Variants in CYP11B1 observed in about 807,000 individuals in gnomAD.
CYP11B1 encodes cytochrome P450 family 11 subfamily B member 1, also known as cytochrome P450 11B1, mitochondrial.
A neutral mutation model predicts 48.3 loss-of-function variants in CYP11B1; 34 were observed. The ratio of observed to expected loss-of-function variants is 0.70; its 90% CI spans 0.54 to 0.94. The LOEUF is 0.94. Ranked by LOEUF, CYP11B1 falls within the 40% of genes least tolerant of loss-of-function variation. CYP11B1 has a pLI of 0.00. For missense variants in CYP11B1, 688 were observed against 657.4 expected (o/e 1.05, Z -0.51); for synonymous variants, 291 against 262.5 (o/e 1.11, Z -1.05).
rs373046641 is a variant in CYP11B1, at chr8:142,879,041, A to T, written c.386T>A (p.Val129Glu). ...YRQHRGHKCG[V>E]FLLNGPEWRF... Reference sequence around the variant, plus strand: ...TCAGCTCGCCGCTTACAGCAAGAACACGCCACATTTGTGCCCACGATGTTG... The same window carrying T: ...TCAGCTCGCCGCTTACAGCAAGAACTCGCCACATTTGTGCCCACGATGTTG... The change falls in exon 2 of 9, where the codon GTG (valine) becomes GAG (glutamate). Residue 129 changes from valine to glutamate, a missense_variant. Val to Glu is a moderately radical substitution (Grantham distance 121). Coordinates refer to ENST00000292427, the MANE Select transcript of CYP11B1 (RefSeq NM_000497.4). The T allele has an allele frequency of 6.2e-7, 1 of 1,614,112 alleles. No homozygotes were observed. The highest frequency in any genetic ancestry group is 8.5e-7 in the Non-Finnish European group (1 of 1,180,030).
rs1237019258 is a variant in CYP11B1, at chr8:142,874,460, T to C, written c.1425A>G (p.Thr475=). 1 of 1,613,752 alleles carries C rather than the reference T, an allele frequency of 6.2e-7. No homozygotes were observed. The highest frequency in any genetic ancestry group is 8.5e-7 in the Non-Finnish European group (1 of 1,179,752). Reference sequence around the variant, plus strand: ...CCATCTTTATGTCCTCTTGGGTTAGTGTCTCCACCTGGAGGTGTTTCAGCA... The same window carrying C: ...CCATCTTTATGTCCTCTTGGGTTAGCGTCTCCACCTGGAGGTGTTTCAGCA... ...HHVLKHLQVE[T]LTQEDIKMVY... Residue 475 remains threonine, a synonymous_variant, in exon 9 of 9, where the codon ACA becomes ACG. Transcript: ENST00000292427.
In CYP11B1 at chr8:142,879,046, A is replaced by T; in HGVS notation, c.381T>A (p.Cys127Ter). The T allele has an allele frequency of 6.2e-7, 1 of 1,614,034 alleles. No individual in the cohort carries two copies. The highest frequency in any genetic ancestry group is 8.5e-7 in the Non-Finnish European group (1 of 1,180,008). ...TCGCCGCTTACAGCAAGAACACGCCACATTTGTGCCCACGATGTTGTCTGT... is the reference window on the plus strand; with the variant it reads ...TCGCCGCTTACAGCAAGAACACGCCTCATTTGTGCCCACGATGTTGTCTGT... ...VAYRQHRGHKCGVFLLNGPEW... is the reference protein window; with the variant it reads ...VAYRQHRGHK The change falls in exon 2 of 9, where the codon TGT becomes TGA. Residue 127 changes from cysteine (C) to a stop codon, truncating the protein, a stop_gained. Transcript: ENST00000292427. LOFTEE classifies it high-confidence loss of function.
chr8:142,878,951 T>G, intron 2 of CYP11B1, 81 bp downstream of exon 2: 1 of 1,570,028 alleles, frequency 6.4e-7, no homozygotes, highest in East Asian at 2.4e-5. Context: ...AGGGCAGATG[T>G]GCTTTTGGGT....
In CYP11B1 at chr8:142,876,253, C is replaced by T. The variant is rs1816944446; in HGVS notation, c.942G>A (p.Gly314=). ...TTGCCGGCCTGACCGTGTCCACGCTCCCTGCAGTGAGTTCCATAGAGTTGG... is the reference window on the plus strand; with the variant it reads ...TTGCCGGCCTGACCGTGTCCACGCTTCCTGCAGTGAGTTCCATAGAGTTGG... ...IKANSMELTA[G]SVDTTVFPLL... Residue 314 remains glycine, a synonymous_variant, in exon 5 of 9, where the codon GGG becomes GGA. Transcript: ENST00000292427. 4 of 1,614,118 alleles carry T rather than the reference C, an allele frequency of 2.5e-6. No homozygotes were observed. Among genetic ancestry groups the T allele is most frequent in the Admixed American group, 1.7e-5 (1 of 60,014 alleles).
In CYP11B1 at chr8:142,875,021, A is replaced by G. The variant is rs554178535; in HGVS notation, c.1334T>C (p.Phe445Ser). 6.2e-7 allele frequency: 1 copy of G among 1,614,246 alleles called. No homozygotes were observed. Among genetic ancestry groups the G allele is most frequent in the African/African-American group, 1.3e-5 (1 of 75,070 alleles). ...CCGCCCAAGGCACTGGCGCATGCCA[A>G]AGCCAAAGGGCACGTGGTAGAAGTT... is the stretch of plus-strand genomic sequence containing the variant. ...GRNFYHVPFG[F>S]GMRQCLGRRL... is the part of the protein sequence containing the mutation. Residue 445 changes from phenylalanine (F) to serine (S), a missense_variant, in exon 8 of 9, where the codon TTT becomes TCT. Physicochemically the swap from Phe to Ser is radical, Grantham distance 155. Transcript: ENST00000292427.
chr8:142,877,961 CAT>C (rs1817012816), intron 2 of CYP11B1: 4 of 707,164 alleles, frequency 5.7e-6, no homozygotes, highest in Non-Finnish European at 9.4e-6. Context: ...TGAAGAGACA[CAT>C]GTACACATGT....
At chr8:142,876,507 A>T in intron 4 of CYP11B1, 112 bp from the exon 5 acceptor site, 1 of 1,542,366 alleles carries the variant, frequency 6.5e-7, no homozygotes, top group Non-Finnish European at 8.8e-7. Context: ...TCTCATCCCA[A>T]ATTCTCCGGA....
At position 142,877,007 on chromosome 8, in the gene CYP11B1, C is replaced by T. The variant is rs1365173817; in HGVS notation, c.595+16G>A. On this transcript the variant is annotated intron_variant, in intron 3 of 8. Transcript: ENST00000292427. ...TCCAGGGTCTCTGAGGCTGGATCTT[C>T]CCACGTGGCCCACACCTTCTATGGT... 4 of 1,613,144 alleles carry T rather than the reference C, an allele frequency of 2.5e-6. No homozygotes were observed. Among genetic ancestry groups the T allele is most frequent in the Non-Finnish European group, 3.4e-6 (4 of 1,179,664 alleles).
At chr8:142,874,574 T>G (rs1816872185) in intron 8 of CYP11B1, 88 bp from the exon 9 acceptor site, 3 of 933,936 alleles carry the variant, frequency 3.2e-6, no homozygotes, top group Non-Finnish European at 5.3e-6. Context: ...TTGCAGAGAT[T>G]ATGCTGAAGG....
chr8:142,874,561 A>G (rs1393501470), intron 8 of CYP11B1, 75 bp from the exon 9 acceptor site: 2 of 1,020,716 alleles, frequency 2.0e-6, no homozygotes, highest in East Asian at 4.7e-5. Flanking sequence ...CAGACCCTCA[A>G]AGTTGCAGAG....
In CYP11B1 at chr8:142,879,562, G is replaced by T. The variant is rs6402; in HGVS notation, c.239+13C>A. On this transcript the variant is annotated intron_variant, in intron 1 of 8. Coordinates refer to ENST00000292427, the MANE Select transcript of CYP11B1 (RefSeq NM_000497.4). ...CTCTGGGTGTTCCCAGCGAGGGCCA[G>T]GGAGGGCTTTACCTGAAAATGGGCC... is the stretch of plus-strand genomic sequence containing the variant. The T allele has an allele frequency of 6.7e-3, 10,814 of 1,614,226 alleles. 230 individuals are homozygous for T. In the East Asian group the frequency reaches 0.087, roughly 13 times the overall value.
chr8:142,879,368 C>G, intron 1 of CYP11B1, 181 bp from the exon 2 acceptor site: 1 of 1,609,056 alleles, frequency 6.2e-7, no homozygotes, highest in Non-Finnish European at 8.5e-7. Context: ...GAGTCCTGCC[C>G]TCTCTGCAGC....
rs61752769 is a variant in CYP11B1, at chr8:142,875,735, A to T, written c.1098T>A (p.Arg366=). ...ACCGCAAGGTCTCCTTGAGGGCCGC[A>T]CGCAGCAAGGGCAGCTCGGTGGTTG... ...QKATTELPLL[R]AALKETLRLY... is the part of the protein sequence containing the mutation. Residue 366 remains arginine, a synonymous_variant, in exon 6 of 9, where the codon CGT becomes CGA. Transcript: ENST00000292427. 6.3e-7 allele frequency: 1 copy of T among 1,599,944 alleles called. No homozygotes were observed.
Position 142,874,063 on chromosome 8 carries a change from C to T in CYP11B1, c.*310G>A, listed in dbSNP as rs1422303727. ...AAACCACAGCACCCTTGTATGGCCA[C>T]ACGAGGAGCCTGGAGCCAGCACTGG... On this transcript the variant is annotated 3_prime_UTR_variant, in exon 9 of 9. Transcript: ENST00000292427. 2.2e-5 allele frequency: 10 copies of T among 459,544 alleles called. No homozygotes were observed. The highest frequency in any genetic ancestry group is 2.2e-4 in the East Asian group (5 of 23,106). 28.5% of individuals were successfully genotyped at this position (459,544 alleles called of 1,614,324 possible).
Position 142,873,472 on chromosome 8 carries a change from C to T in CYP11B1, c.*901G>A, listed in dbSNP as rs748103274. The stretch of plus-strand genomic sequence containing the variant: ...CAGCCTCCCTGTGCCCACCCCAGGT[C>T]GTGGCACATGACATGGCTCCGTATC... On this transcript the variant is annotated 3_prime_UTR_variant, in exon 9 of 9. Transcript: ENST00000292427. 2 of 152,200 alleles carry T rather than the reference C, an allele frequency of 1.3e-5. No individual in the cohort carries two copies. Among genetic ancestry groups the T allele is most frequent in the Non-Finnish European group, 2.9e-5 (2 of 68,064 alleles). The allele number at this position is 152,200 out of a possible 1,614,324, so 9.4% of individuals were successfully genotyped here.
Position 142,874,065 on chromosome 8 carries a change from C to A in CYP11B1, c.*308G>T. ...ACCACAGCACCCTTGTATGGCCACA[C>A]GAGGAGCCTGGAGCCAGCACTGGGA... On this transcript the variant is annotated 3_prime_UTR_variant, in exon 9 of 9. Transcript: ENST00000292427. 1 of 462,484 alleles carries A rather than the reference C, an allele frequency of 2.2e-6. No homozygotes were observed. Among genetic ancestry groups the A allele is most frequent in the Non-Finnish European group, 4.0e-6 (1 of 250,088 alleles). 28.6% of individuals were successfully genotyped at this position (462,484 alleles called of 1,614,324 possible).
intron 1 of CYP11B1, 159 bp downstream of exon 1, chr8:142,879,416 A>G (rs1181116882): frequency 1.2e-6 from 2 of 1,613,020 alleles, no homozygotes; most frequent in Admixed American, 1.7e-5. Context: ...CTGCCCTGGC[A>G]GCGCCACAGA....
intron 2 of CYP11B1, chr8:142,877,691 C>A: frequency 3.9e-6 from 6 of 1,525,606 alleles, no homozygotes; most frequent in Non-Finnish European, 5.4e-6. Context: ...GGGGCAGCAG[C>A]CCCAGTGAAG....
rs750931191 is a variant in CYP11B1, at chr8:142,879,585, G to A, written c.229C>T (p.Pro77Ser). ...EVHQTFQELG[P>S]IFRYDLGGAG... ...CAGGGAGGGCTTTACCTGAAAATGG[G>A]CCCTAGTTCCTGGAAGGTCTGGTGT... The change falls in exon 1 of 9, where the codon CCC becomes TCC. Residue 77 changes from proline (P) to serine (S), a missense_variant. Coordinates refer to ENST00000292427, the MANE Select transcript of CYP11B1 (RefSeq NM_000497.4). 1.9e-6 allele frequency: 3 copies of A among 1,614,102 alleles called. No homozygotes were observed. Among genetic ancestry groups the A allele is most frequent in the Non-Finnish European group, 2.5e-6 (3 of 1,180,038 alleles).
Sources: allele counts gnomAD v4.1 joint callset, GRCh38; gene constraint gnomAD v4.1.1; transcripts MANE v1.5; gene names NCBI Gene and HGNC (gene_info 2026-07-23, HGNC 2026-07-21).